Variants in SYNE1 observed in about 807,000 individuals in gnomAD.
SYNE1 encodes spectrin repeat containing nuclear envelope protein 1.
In SYNE1, 616 loss-of-function variants were observed where a neutral mutation model predicts 1,111.0. That is an observed-to-expected ratio of 0.55 (90% CI 0.52 to 0.59). The LOEUF is 0.59. SYNE1 is among the 20% of genes least tolerant of loss of function. SYNE1 has a pLI of 0.00. For synonymous variants in SYNE1, 3,855 were observed against 3,825.8 expected (o/e 1.01, Z -0.28); for missense variants, 10,006 against 10,417.0 (o/e 0.96, Z 1.72).
At chr6:152,256,562 G>T in intron 102 of SYNE1, 72 bp downstream of exon 102, 16 of 1,598,556 alleles carry the variant, frequency 1.0e-5, no homozygotes, top group Non-Finnish European at 1.4e-5. Context: ...TCTCACAGAG[G>T]CCAGGCAAAT....
chr6:152,329,758 T>G lies in SYNE1; in HGVS notation c.14927A>C (p.Asp4976Ala). Residue 4976 changes from aspartate (D) to alanine (A), a missense_variant, in exon 78 of 146, where the codon GAC (aspartate) becomes GCC (alanine). By Grantham distance (126) the Asp-to-Ala change is moderately radical. Around this residue, in one of 7 missense-constraint regions of SYNE1, gnomAD observed 4,955 missense variants for 5,017.2 expected, o/e 0.99. Coordinates refer to ENST00000367255, the MANE Select transcript of SYNE1 (RefSeq NM_182961.4). ...SLAELSELDG[D>A]IQEALRTRQA... ...TCTGGTGCGTAAGGCTTCCTGGATG[T>G]CTCCATCCAGCTCTGAGAGCTCAGC... The G allele has an allele frequency of 6.2e-7, 1 of 1,614,184 alleles. No homozygotes were observed. The highest frequency in any genetic ancestry group is 8.5e-7 in the Non-Finnish European group (1 of 1,180,016).
intron 121 of SYNE1, among the ~76,000 whole-genome samples, chr6:152,217,395 CAA>C (rs926437470): frequency 9.7e-5 from 4 of 41,236 alleles, no homozygotes; most frequent in African/African-American, 1.1e-4. Flanking sequence ...GACTCCGTCA[CAA>C]AAAAAAAAAA....
In SYNE1 at chr6:152,148,140, T is replaced by C. The variant is rs138407813; in HGVS notation, c.24881A>G (p.Asp8294Gly). Reference sequence around the variant, plus strand: ...AGCTCTGGACATTGCAGACTCCAGGTCCCGACTGAGGTCATAGTCGTGATC... The same window carrying C: ...AGCTCTGGACATTGCAGACTCCAGGCCCCGACTGAGGTCATAGTCGTGATC... Reference protein sequence around the residue: ...EWDHDYDLSRDLESAMSRALP... With the variant: ...EWDHDYDLSRGLESAMSRALP... Residue 8294 changes from aspartate to glycine, a missense_variant, in exon 137 of 146, where the codon GAC becomes GGC. This residue lies in a region of SYNE1 where 761 missense variants were observed against 795.5 expected (regional missense o/e 0.96). Transcript: ENST00000367255. This position sits in a 1 kb window ranked among gnomAD's most constrained non-coding sequence, Gnocchi z 4.1. The C allele has an allele frequency of 1.2e-4, 193 of 1,614,184 alleles. No individual in the cohort carries two copies. In the African/African-American group the frequency reaches 2.4e-3, roughly 20 times the overall value.
chr6:152,386,926 T>C (rs2097534718), intron 54 of SYNE1, 146 bp downstream of exon 54: 1 of 627,210 alleles, frequency 1.6e-6, no homozygotes, highest in Non-Finnish European at 2.6e-6. Flanking sequence ...AATGTACAAA[T>C]AGTTTTAGAG....
At chr6:152,446,493 C>CA (rs1592873964) in intron 29 of SYNE1, among the ~76,000 whole-genome samples, 1 of 152,076 alleles carries the variant, frequency 6.6e-6, no homozygotes, top group East Asian at 1.9e-4. Flanking sequence ...ACTAGAGTCT[C>CA]AAGCAGATTT....
intron 39 of SYNE1, among the ~76,000 whole-genome samples, chr6:152,423,609 T>G (rs760429228): frequency 5.3e-5 from 8 of 152,220 alleles, no homozygotes; most frequent in Admixed American, 6.5e-5. Context: ...AGATAATAAG[T>G]AAACATGATT....
chr6:152,366,845 A>G lies in SYNE1; in HGVS notation c.9972+373T>C, dbSNP rs115789487. 260 of 376,474 alleles carry G rather than the reference A, an allele frequency of 6.9e-4. 1 individual carries two copies. The highest frequency in any genetic ancestry group is 4.8e-3 in the African/African-American group (230 of 47,620). The allele number at this position is 376,474 out of a possible 1,614,324, so 23.3% of individuals were successfully genotyped here. A position where few individuals can be genotyped will look rare whatever the true frequency, so the allele number is the denominator to read the frequency against. On this transcript the variant is annotated intron_variant, in intron 62 of 145. Coordinates refer to ENST00000367255, the MANE Select transcript of SYNE1 (RefSeq NM_182961.4). ...AACTCATAACTTGGGATGGGAGGAG[A>G]ATTGGCTAAATACAGGAAGACAAGT...
Position 152,226,016 on chromosome 6 carries a change from T to C in SYNE1, c.21196-140A>G, listed in dbSNP as rs1359323. The C allele has an allele frequency of 0.46, 344,650 of 752,262 alleles. 83,399 individuals are homozygous for C. The highest frequency in any genetic ancestry group is 0.72 in the East Asian group (26,584 of 37,000). 46.6% of individuals were successfully genotyped at this position (752,262 alleles called of 1,614,324 possible). A position where few individuals can be genotyped will look rare whatever the true frequency, so the allele number is the denominator to read the frequency against. The stretch of plus-strand genomic sequence containing the variant: ...CTTATCTCTTTCAGAAGAGGCACGC[T>C]GCAGAAGTACTTCTTCCTACACTCA... On this transcript the variant is annotated intron_variant, in intron 115 of 145. Transcript: ENST00000367255.
At chr6:152,125,276 T>C (rs754301279) in intron 145 of SYNE1, 30 of 1,550,290 alleles carry the variant, frequency 1.9e-5, no homozygotes, top group Admixed American at 5.9e-5. Flanking sequence ...GTATCTCACA[T>C]GTAGAAGCAA....
At chr6:152,384,105 A>G (rs1403632349) in intron 55 of SYNE1, among the ~76,000 whole-genome samples, 1 of 152,226 alleles carries the variant, frequency 6.6e-6, no homozygotes, top group Non-Finnish European at 1.5e-5. Context: ...TTTGCTTGTC[A>G]AAACAACTTT....
In SYNE1 at chr6:152,141,345, C is replaced by T; in HGVS notation, c.25120-16G>A. The T allele has an allele frequency of 6.2e-7, 1 of 1,613,306 alleles. No homozygotes were observed. Among genetic ancestry groups the T allele is most frequent in the South Asian group, 1.1e-5 (1 of 91,050 alleles). Reference sequence around the variant, plus strand: ...GCAGTTTCATCTGTTTAGACATAAACAACCGGCCCCTGTCACCCAAATCTT... The same window carrying T: ...GCAGTTTCATCTGTTTAGACATAAATAACCGGCCCCTGTCACCCAAATCTT... On this transcript the variant is annotated splice_polypyrimidine_tract_variant and intron_variant, in intron 138 of 145. Transcript: ENST00000367255.
At position 152,389,579 on chromosome 6, in the gene SYNE1, G is replaced by A. The variant is rs144752593; in HGVS notation, c.8177+701C>T. 1.3e-3 allele frequency among the ~76,000 whole-genome samples: 203 copies of A among 152,272 alleles called. 1 individual carries two copies. Among genetic ancestry groups the A allele is most frequent in the Middle Eastern group, 3.4e-3 (1 of 294 alleles). Reference sequence around the variant, plus strand: ...TTATTTATGGATACTCTGAGAAGAGGGAGGTAGGGAGAAATCTCTCACTTA... The same window carrying A: ...TTATTTATGGATACTCTGAGAAGAGAGAGGTAGGGAGAAATCTCTCACTTA... On this transcript the variant is annotated intron_variant, in intron 53 of 145. Coordinates refer to ENST00000367255, the MANE Select transcript of SYNE1 (RefSeq NM_182961.4).
chr6:152,339,276 T>C lies in SYNE1; in HGVS notation c.12316A>G (p.Thr4106Ala), dbSNP rs887750931. 2 of 1,614,020 alleles carry C rather than the reference T, an allele frequency of 1.2e-6. No homozygotes were observed. Among genetic ancestry groups the C allele is most frequent in the Non-Finnish European group, 1.7e-6 (2 of 1,179,894 alleles). ...GTTTGTTGAATGTCTTTTGCTGTGG[T>C]TTTCACCGAAGCATTTGACAGGTCA... ...MCDLSNASVK[T>A]TAKDIQQTEQ... Residue 4106 changes from threonine (T) to alanine (A), a missense_variant, in exon 75 of 146, where the codon ACC becomes GCC. By Grantham distance (58) the Thr-to-Ala change is moderately conservative. This residue lies in a region of SYNE1 where 4,955 missense variants were observed against 5,017.2 expected (regional missense o/e 0.99). Transcript: ENST00000367255.
chr6:152,348,991 G>GTCA (rs1367907443), intron 72 of SYNE1, among the ~76,000 whole-genome samples: 1 of 152,152 alleles, frequency 6.6e-6, no homozygotes, highest in Non-Finnish European at 1.5e-5. Flanking sequence ...CTTCTGGATT[G>GTCA]TCATCTCCTC....
intron 129 of SYNE1, among the ~76,000 whole-genome samples, chr6:152,178,910 C>CTTTT (rs750037655): frequency 7.8e-5 from 9 of 115,564 alleles, no homozygotes; most frequent in South Asian, 5.8e-4. Context: ...TCACCCAATT[C>CTTTT]TTTTTTTTTT....
intron 44 of SYNE1, 100 bp downstream of exon 44, chr6:152,408,968 A>T (rs2097956101): frequency 7.5e-7 from 1 of 1,328,894 alleles, no homozygotes; most frequent in South Asian, 1.3e-5. Flanking sequence ...AAAAAAAAAA[A>T]AAAGTGAAAT....
intron 128 of SYNE1, among the ~76,000 whole-genome samples, chr6:152,183,232 A>T (rs1208666696): frequency 2.0e-5 from 3 of 152,192 alleles, no homozygotes; most frequent in Non-Finnish European, 4.4e-5. Context: ...AGCAAGAGTC[A>T]GGAGTCTGGC....
At chr6:152,342,444 C>A (rs2154010427) in intron 74 of SYNE1, among the ~76,000 whole-genome samples, 1 of 152,272 alleles carries the variant, frequency 6.6e-6, no homozygotes, top group Non-Finnish European at 1.5e-5. Flanking sequence ...TCAAGGAGAA[C>A]TATGTTTCAT....
intron 110 of SYNE1, 43 bp downstream of exon 110, chr6:152,236,064 T>C (rs897138315): frequency 1.3e-6 from 2 of 1,593,214 alleles, no homozygotes; most frequent in African/African-American, 1.3e-5. Context: ...ATTAATACAA[T>C]GCAGCACTTA....
Sources: gnomAD v4.1 joint callset for allele counts (sites outside exome capture counted in the v4.1 genomes callset) on GRCh38, gnomAD v4.1.1 for gene constraint, gnomAD v4.1.1 regional missense constraint, Gnocchi (gnomAD v3.1) non-coding constraint, MANE v1.5 for transcripts, NCBI Gene and HGNC (gene_info 2026-07-23, HGNC 2026-07-21) for gene names.